The following DTNA variants were observed in gnomAD, a reference collection of about 807,000 sequenced individuals.
The protein encoded by DTNA is dystrophin-related protein 3.
A neutral mutation model predicts 100.7 loss-of-function variants in DTNA; 43 were observed. The ratio of observed to expected loss-of-function variants is 0.43; its 90% confidence interval spans 0.33 to 0.55. The LOEUF (loss-of-function observed/expected upper bound fraction) is 0.55, where lower values mean the gene tolerates loss of function less well. Ranked by LOEUF, DTNA falls within the 20% of genes least tolerant of loss-of-function variation. DTNA has a pLI of 0.04. For synonymous variants in DTNA, 349 were observed against 347.9 expected (o/e 1.00, Z -0.04); for missense variants, 798 against 953.9 (o/e 0.84, Z 2.15).
At chr18:34,526,914 G>A (rs2042678514) in intron 1 of DTNA, among the ~76,000 whole-genome samples, 2 of 152,118 alleles carry the variant, frequency 1.3e-5, no homozygotes, top group Non-Finnish European at 2.9e-5. Flanking sequence ...GTTAAGAGGT[G>A]CAGGCAAGAA....
chr18:34,695,268 G>A (rs2080361080), intron 1 of DTNA, among the ~76,000 whole-genome samples: 2 of 152,122 alleles, frequency 1.3e-5, no homozygotes, highest in South Asian at 4.1e-4. Flanking sequence ...GGGCTGTTGT[G>A]TGTAAAGTTG....
intron 1 of DTNA, among the ~76,000 whole-genome samples, chr18:34,747,592 T>G (rs966278122): frequency 6.6e-6 from 1 of 152,154 alleles, no homozygotes; most frequent in African/African-American, 2.4e-5. Context: ...GGATATATGA[T>G]AATTGGTTTT....
At chr18:34,628,926 A>G (rs2057705602) in intron 1 of DTNA, among the ~76,000 whole-genome samples, 2 of 152,140 alleles carry the variant, frequency 1.3e-5, no homozygotes, top group Admixed American at 1.3e-4. Flanking sequence ...TTATCTAGAA[A>G]ATGGGGCCAA....
intron 1 of DTNA, among the ~76,000 whole-genome samples, chr18:34,507,539 A>G (rs2040610195): frequency 6.6e-6 from 1 of 152,128 alleles, no homozygotes; most frequent in Non-Finnish European, 1.5e-5. Context: ...TCTGCTTGAA[A>G]CCAATATGCT....
intron 3 of DTNA, among the ~76,000 whole-genome samples, chr18:34,792,987 A>T (rs1374612145): frequency 6.6e-6 from 1 of 152,226 alleles, no homozygotes; most frequent in East Asian, 1.9e-4. Flanking sequence ...CCAAATTGTG[A>T]TATATCCATA....
chr18:34,856,813 A>G (rs771005185), intron 15 of DTNA, among the ~76,000 whole-genome samples: 5 of 152,256 alleles, frequency 3.3e-5, no homozygotes, highest in Non-Finnish European at 5.9e-5. Flanking sequence ...TGCACGTTAC[A>G]TATCTCTTCT....
At chr18:34,654,920 T>C (rs1341841702) in intron 1 of DTNA, among the ~76,000 whole-genome samples, 2 of 152,102 alleles carry the variant, frequency 1.3e-5, no homozygotes, top group Non-Finnish European at 2.9e-5. Flanking sequence ...AGAGACGGGA[T>C]TTCACCATGT....
intron 1 of DTNA, among the ~76,000 whole-genome samples, chr18:34,501,257 G>A (rs1025036489): frequency 1.3e-5 from 2 of 152,110 alleles, no homozygotes; most frequent in Non-Finnish European, 2.9e-5. Flanking sequence ...ATATGATGGA[G>A]TACATTGATC....
At chr18:34,760,027 T>C (rs566783926) in intron 2 of DTNA, 1 of 152,302 alleles carries the variant, frequency 6.6e-6, no homozygotes, top group African/African-American at 2.4e-5. Flanking sequence ...CTTGAGAGTG[T>C]TGGCTGAAGT....
At chr18:34,633,322 A>G (rs2058299475) in intron 1 of DTNA, among the ~76,000 whole-genome samples, 1 of 152,178 alleles carries the variant, frequency 6.6e-6, no homozygotes, top group Admixed American at 6.5e-5. Context: ...CAAAGCTATG[A>G]TGTTGCAATA....
rs2150527543 is a variant in DTNA, at chr18:34,890,687, G to A, written c.*2953G>A. On this transcript the variant is annotated 3_prime_UTR_variant, in exon 23 of 23. Coordinates refer to ENST00000444659, the MANE Select transcript of DTNA (RefSeq NM_001386795.1). ...TTGTGGTTGGTCAGGACGGAAGTTG[G>A]GGTAAGTTTGGTTGGTCAGAGGGAG... The A allele has an allele frequency of 1.6e-6, 1 of 617,944 alleles. No homozygotes were observed. The highest frequency in any genetic ancestry group is 3.0e-5 in the East Asian group (1 of 33,108). 38.3% of individuals were successfully genotyped at this position (617,944 alleles called of 1,614,324 possible). A position where few individuals can be genotyped will look rare whatever the true frequency, so the allele number is the denominator to read the frequency against.
intron 22 of DTNA, among the ~76,000 whole-genome samples, chr18:34,887,290 T>C (rs917084019): frequency 1.1e-4 from 16 of 152,204 alleles, no homozygotes; most frequent in African/African-American, 3.4e-4. Context: ...AAGACTCAAT[T>C]TTAGCCCATT....
At chr18:34,497,714 TC>T (rs1157691972) in intron 1 of DTNA, among the ~76,000 whole-genome samples, 10 of 151,980 alleles carry the variant, frequency 6.6e-5, no homozygotes, top group Non-Finnish European at 1.0e-4. Context: ...AAATAGAACT[TC>T]CTTTATATGA....
intron 1 of DTNA, among the ~76,000 whole-genome samples, chr18:34,695,127 C>T (rs540398025): frequency 1.3e-5 from 2 of 152,190 alleles, no homozygotes; most frequent in African/African-American, 4.8e-5. Context: ...CTGGATTCTC[C>T]CTCCGTACAG....
At chr18:34,520,813 T>C (rs982845705) in intron 1 of DTNA, among the ~76,000 whole-genome samples, 4 of 152,172 alleles carry the variant, frequency 2.6e-5, no homozygotes, top group African/African-American at 9.7e-5. Context: ...GAACACTTTA[T>C]AGTTGTCCTC....
At chr18:34,705,518 T>C (rs2082004814), upstream of DTNA, among the ~76,000 whole-genome samples, 1 of 152,218 alleles carries the variant, frequency 6.6e-6, no homozygotes, top group South Asian at 2.1e-4. Context: ...TTTCTAGCAC[T>C]AGAGTAATTT....
In DTNA at chr18:34,811,947, T is replaced by C. The variant is rs1057523932; in HGVS notation, c.449-12T>C. On this transcript the variant is annotated splice_polypyrimidine_tract_variant and intron_variant, in intron 5 of 22. Coordinates refer to ENST00000444659, the MANE Select transcript of DTNA (RefSeq NM_001386795.1). Reference sequence around the variant, plus strand: ...ATGTGATGAATAATATCTTTCCTTTTCCTTTCATCAGATATTTTCTCAATG... The same window carrying C: ...ATGTGATGAATAATATCTTTCCTTTCCCTTTCATCAGATATTTTCTCAATG... The C allele has an allele frequency of 1.9e-6, 3 of 1,613,874 alleles. No homozygotes were observed. The highest frequency in any genetic ancestry group is 2.5e-6 in the Non-Finnish European group (3 of 1,179,800).
At chr18:34,813,663 T>C (rs1602507889) in intron 6 of DTNA, among the ~76,000 whole-genome samples, 1 of 151,806 alleles carries the variant, frequency 6.6e-6, no homozygotes, top group East Asian at 1.9e-4. Flanking sequence ...GACCAGCCTG[T>C]CCAATATGTT....
intron 1 of DTNA, among the ~76,000 whole-genome samples, chr18:34,537,079 C>G (rs530027719): frequency 6.6e-6 from 1 of 152,084 alleles, no homozygotes; most frequent in Admixed American, 6.6e-5. Context: ...TGTGAAGTAT[C>G]AGTACAACTT....
Sources: allele counts gnomAD v4.1 joint callset (sites outside exome capture counted in the v4.1 genomes callset), GRCh38; gene constraint gnomAD v4.1.1; transcripts MANE v1.5; gene names NCBI Gene and HGNC (gene_info 2026-07-23, HGNC 2026-07-21).